The following ABHD17A variants were observed in gnomAD, a reference collection of about 807,000 sequenced individuals.
The protein encoded by ABHD17A is alpha/beta hydrolase domain-containing protein 17A.
Under a neutral mutation model 26.8 loss-of-function variants are expected in ABHD17A, and 10 were observed. That is an observed-to-expected ratio of 0.37 (90% CI 0.23 to 0.63). ABHD17A has a LOEUF of 0.63. ABHD17A is among the 30% of genes least tolerant of loss of function. ABHD17A has a pLI of 0.61. For missense variants in ABHD17A, 292 were observed against 457.3 expected, an observed-to-expected ratio of 0.64 and a Z score of 3.30; for synonymous variants, 167 against 210.9, an observed-to-expected ratio of 0.79 and a Z score of 1.80.
At chr19:1,884,541 G>C (rs563380157) in intron 1 of ABHD17A, among the ~76,000 whole-genome samples, 3 of 152,254 alleles carry the variant, frequency 2.0e-5, no homozygotes, top group South Asian at 2.1e-4. Context: ...ACTGGAAGAT[G>C]ACCTACATAT....
chr19:1,881,624 C>G lies in ABHD17A; in HGVS notation c.-58G>C. 6.9e-7 allele frequency: 1 copy of G among 1,445,972 alleles called. No homozygotes were observed. The highest frequency in any genetic ancestry group is 9.0e-7 in the Non-Finnish European group (1 of 1,109,258). The allele number at this position is 1,445,972 out of a possible 1,614,324, so 89.6% of individuals were successfully genotyped here. A position where few individuals can be genotyped will look rare whatever the true frequency, so the allele number is the denominator to read the frequency against. ...GGCCCCCGCCAACAACGCCGCCCGG[C>G]CTGGCCCGGCAGGGGAGGGGTGGGG... On this transcript the variant is annotated 5_prime_UTR_variant, in exon 2 of 5. Coordinates refer to ENST00000292577, the MANE Select transcript of ABHD17A (RefSeq NM_001130111.2).
rs2012469650 is a variant in ABHD17A, at chr19:1,879,823, G to A, written c.527+98C>T. The A allele has an allele frequency of 1.6e-6, 2 of 1,283,954 alleles. No individual in the cohort carries two copies. Among genetic ancestry groups the A allele is most frequent in the Non-Finnish European group, 2.1e-6 (2 of 933,296 alleles). 79.5% of individuals were successfully genotyped at this position (1,283,954 alleles called of 1,614,324 possible). On this transcript the variant is annotated intron_variant, in intron 3 of 4. Transcript: ENST00000292577. The surrounding 1 kb of genome is among the most constrained non-coding windows in gnomAD (Gnocchi z 7.6). Reference sequence around the variant, plus strand: ...TCCACTGTGGCTCCCCTCCTGCAGGGCCGCCCACCTTCCTCCCAGGGAAGC... The same window carrying A: ...TCCACTGTGGCTCCCCTCCTGCAGGACCGCCCACCTTCCTCCCAGGGAAGC...
chr19:1,880,459 A>C lies in ABHD17A; in HGVS notation c.333-344T>G, dbSNP rs1015153875. On this transcript the variant is annotated intron_variant, in intron 2 of 4. Coordinates refer to ENST00000292577, the MANE Select transcript of ABHD17A (RefSeq NM_001130111.2). This position sits in a 1 kb window ranked among gnomAD's most constrained non-coding sequence, Gnocchi z 4.1. ...CAGGGCAGACTCGCAGTGTGTGCTCAGATACTGCAGGCTTCACTGCCCTTC... is the reference window on the plus strand; with the variant it reads ...CAGGGCAGACTCGCAGTGTGTGCTCCGATACTGCAGGCTTCACTGCCCTTC... Among the ~76,000 whole-genome samples the C allele has an allele frequency of 6.6e-5, 10 of 152,216 alleles. No individual in the cohort carries two copies. Among genetic ancestry groups the C allele is most frequent in the Non-Finnish European group, 1.2e-4 (8 of 68,042 alleles).
At chr19:1,884,380 A>G (rs2012618040) in intron 1 of ABHD17A, among the ~76,000 whole-genome samples, 1 of 152,118 alleles carries the variant, frequency 6.6e-6, no homozygotes, top group Non-Finnish European at 1.5e-5. Context: ...ATGGGCGTGG[A>G]CTGGGGAGTG....
In ABHD17A at chr19:1,885,364, C is replaced by G. The variant is rs2012652567; in HGVS notation, c.-251G>C. On this transcript the variant is annotated 5_prime_UTR_variant, in exon 1 of 5. Transcript: ENST00000292577. ...GCCCGGCACTCACCACCCCGGCCCGCGCCCCCGGGCCCCAGGGCCGCGCTC... is the reference window on the plus strand; with the variant it reads ...GCCCGGCACTCACCACCCCGGCCCGGGCCCCCGGGCCCCAGGGCCGCGCTC... The G allele has an allele frequency of 2.6e-5, 4 of 151,612 alleles. No homozygotes were observed. The highest frequency in any genetic ancestry group is 9.7e-5 in the African/African-American group (4 of 41,252). 9.4% of individuals were successfully genotyped at this position (151,612 alleles called of 1,614,324 possible). A position where few individuals can be genotyped will look rare whatever the true frequency, so the allele number is the denominator to read the frequency against.
Position 1,879,918 on chromosome 19 carries a change from C to T in ABHD17A, c.527+3G>A, listed in dbSNP as rs767655297. Reference sequence around the variant, plus strand: ...GCTGAGCTGCCCCCAGGGTCGCCCTCACCTGGTGCGCAGGGCCTGCCAGGC... The same window carrying T: ...GCTGAGCTGCCCCCAGGGTCGCCCTTACCTGGTGCGCAGGGCCTGCCAGGC... On this transcript the variant is annotated splice_donor_region_variant and intron_variant, in intron 3 of 4. Coordinates refer to ENST00000292577, the MANE Select transcript of ABHD17A (RefSeq NM_001130111.2). This position sits in a 1 kb window ranked among gnomAD's most constrained non-coding sequence, Gnocchi z 7.6. The T allele has an allele frequency of 6.2e-7, 1 of 1,602,908 alleles. No individual in the cohort carries two copies. The highest frequency in any genetic ancestry group is 1.1e-5 in the South Asian group (1 of 90,332).
rs2012545581 is a variant in ABHD17A at position 1,881,774 on chromosome 19, C to T, written c.-208G>A. On this transcript the variant is annotated 5_prime_UTR_variant, in exon 2 of 5. Transcript: ENST00000292577. The stretch of plus-strand genomic sequence containing the variant: ...GCCGAGCCCCAGGGAGCCTCGCAAC[C>T]ACAGGTCTCCATGTCGTGCCGTGGG... The T allele has an allele frequency of 6.6e-6, 4 of 603,224 alleles. No individual in the cohort carries two copies. The highest frequency in any genetic ancestry group is 1.0e-5 in the Non-Finnish European group (4 of 382,420). The allele number at this position is 603,224 out of a possible 1,614,324, so 37.4% of individuals were successfully genotyped here. A position where few individuals can be genotyped will look rare whatever the true frequency, so the allele number is the denominator to read the frequency against.
At position 1,879,778 on chromosome 19, in the gene ABHD17A, C is replaced by T. The variant is rs2012468643; in HGVS notation, c.527+143G>A. 2.0e-5 allele frequency: 16 copies of T among 819,012 alleles called. 1 individual carries two copies. Among genetic ancestry groups the T allele is most frequent in the South Asian group, 8.8e-5 (5 of 57,124 alleles). 50.7% of individuals were successfully genotyped at this position (819,012 alleles called of 1,614,324 possible). A position where few individuals can be genotyped will look rare whatever the true frequency, so the allele number is the denominator to read the frequency against. On this transcript the variant is annotated intron_variant, in intron 3 of 4. Transcript: ENST00000292577. This position sits in a 1 kb window ranked among gnomAD's most constrained non-coding sequence, Gnocchi z 7.6. ...ACCTGCACACCCAAGCTCGCCTGTCCGGCTCTCTGGCCCTGTGCATCCACT... is the reference window on the plus strand; with the variant it reads ...ACCTGCACACCCAAGCTCGCCTGTCTGGCTCTCTGGCCCTGTGCATCCACT...
chr19:1,879,599 C>T lies in ABHD17A; in HGVS notation c.527+322G>A. The T allele has an allele frequency of 2.3e-6, 1 of 431,324 alleles. No individual in the cohort carries two copies. Among genetic ancestry groups the T allele is most frequent in the South Asian group, 2.2e-5 (1 of 44,664 alleles). The allele number at this position is 431,324 out of a possible 1,614,324, so 26.7% of individuals were successfully genotyped here. A position where few individuals can be genotyped will look rare whatever the true frequency, so the allele number is the denominator to read the frequency against. ...AGCCACACGTGCACAGACCCCCAGA[C>T]CACCACCCACTCCCTCCCGCCGGGT... On this transcript the variant is annotated intron_variant, in intron 3 of 4. Coordinates refer to ENST00000292577, the MANE Select transcript of ABHD17A (RefSeq NM_001130111.2). This position sits in a 1 kb window ranked among gnomAD's most constrained non-coding sequence, Gnocchi z 7.6.
Position 1,877,529 on chromosome 19 carries a change from T to G in ABHD17A, c.686A>C (p.Tyr229Ser), listed in dbSNP as rs1472144069. 1 of 1,594,060 alleles carries G rather than the reference T, an allele frequency of 6.3e-7. No individual in the cohort carries two copies. The highest frequency in any genetic ancestry group is 2.2e-5 in the East Asian group (1 of 44,676). Residue 229 changes from tyrosine to serine, a missense_variant, in exon 4 of 5, where the codon TAC becomes TCC. By Grantham distance (144) the Tyr-to-Ser change is moderately radical (BLOSUM62 -2). Around this residue, in one of 4 missense-constraint regions of ABHD17A, gnomAD observed 88 missense variants for 134.3 expected, o/e 0.66. Coordinates refer to ENST00000292577, the MANE Select transcript of ABHD17A (RefSeq NM_001130111.2). ...RVAFPDTKKT[Y>S]CFDAFPNIEK... ...TCACTTAGGGAAGGCGTCGAAGCAG[T>G]AGGTCTTCTTGGTGTCGGGGAAGGC...
intron 2 of ABHD17A, chr19:1,881,025 C>T (rs1282220901): frequency 1.9e-5 from 30 of 1,609,870 alleles, no homozygotes; most frequent in Non-Finnish European, 2.5e-5. Flanking sequence ...CTGGGGATGG[C>T]CTCCCTGAGC....
chr19:1,877,169 A>G lies in ABHD17A; in HGVS notation c.*31T>C. On this transcript the variant is annotated 3_prime_UTR_variant, in exon 5 of 5. Transcript: ENST00000292577. Reference sequence around the variant, plus strand: ...CGGGGTGAGGTCCGGGGGCCGCCTTATTGCTGAGGTCCGGCCGGTTGGGGC... The same window carrying G: ...CGGGGTGAGGTCCGGGGGCCGCCTTGTTGCTGAGGTCCGGCCGGTTGGGGC... The G allele has an allele frequency of 2.3e-6, 3 of 1,295,876 alleles. No individual in the cohort carries two copies. The South Asian group carries it at 3.9e-5, about 17-fold the overall frequency. The allele number at this position is 1,295,876 out of a possible 1,614,324, so 80.3% of individuals were successfully genotyped here.
At chr19:1,877,471 GC>G in intron 4 of ABHD17A, 36 bp downstream of exon 4, 1 of 1,575,234 alleles carries the variant, frequency 6.3e-7, no homozygotes. Context: ...CCCGGCCCGG[GC>G]CCCGCCCCGC....
intron 1 of ABHD17A, 96 bp from the exon 2 acceptor site, chr19:1,881,900 G>A (rs1568744444): frequency 1.4e-5 from 4 of 281,554 alleles, no homozygotes; most frequent in South Asian, 5.7e-5. Flanking sequence ...CCAGGGGGCG[G>A]CATGGGCCCG....
chr19:1,884,147 G>T (rs924946376), intron 1 of ABHD17A, among the ~76,000 whole-genome samples: 1 of 152,038 alleles, frequency 6.6e-6, no homozygotes, highest in Non-Finnish European at 1.5e-5. Flanking sequence ...TTTTTCACAC[G>T]TTTGGCCAGA....
intron 3 of ABHD17A, chr19:1,877,973 G>A (rs959944655): frequency 5.1e-5 from 23 of 451,312 alleles, no homozygotes; most frequent in East Asian, 4.6e-4. Context: ...CCCCTGGGGC[G>A]GGGGTAAGGG....
chr19:1,885,270 T>A (rs2012648823), intron 1 of ABHD17A, 82 bp downstream of exon 1: 1 of 151,500 alleles, frequency 6.6e-6, no homozygotes, highest in Admixed American at 6.6e-5. Flanking sequence ...CTCGGGGACG[T>A]CCAACCGGGC....
chr19:1,881,196 A>G, intron 2 of ABHD17A, 39 bp downstream of exon 2: 1 of 1,608,766 alleles, frequency 6.2e-7, no homozygotes, highest in Non-Finnish European at 8.5e-7. Context: ...AGCCCCAAGA[A>G]CAGGGTGACC....
At chr19:1,882,147 A>G in intron 1 of ABHD17A, 1 of 153,654 alleles carries the variant, frequency 6.5e-6, no homozygotes, top group Non-Finnish European at 1.5e-5. Context: ...GCACCAGGGA[A>G]ACCCCATGCG....
Sources: allele counts gnomAD v4.1 joint callset (sites outside exome capture counted in the v4.1 genomes callset), GRCh38; gene constraint gnomAD v4.1.1; regional missense constraint gnomAD v4.1.1; non-coding constraint Gnocchi (gnomAD v3.1); transcripts MANE v1.5; gene names NCBI Gene and HGNC (gene_info 2026-07-23, HGNC 2026-07-21).